The following EYS variants were observed in gnomAD, a reference collection of about 807,000 sequenced individuals.
The protein encoded by EYS is EGF-like photoreceptor maintenance factor.
Under a neutral mutation model 282.1 loss-of-function variants are expected in EYS, and 250 were observed. That is an observed-to-expected ratio of 0.89 (90% CI 0.80 to 0.98). EYS has a LOEUF of 0.98. EYS is among the 50% of genes least tolerant of loss of function. EYS has a pLI of 0.00. For missense variants in EYS, 4,016 were observed against 3,709.0 expected, an observed-to-expected ratio of 1.08 and a Z score of -2.15; for synonymous variants, 1,355 against 1,282.9, an observed-to-expected ratio of 1.06 and a Z score of -1.20.
At chr6:64,351,343 G>C (rs1561945914) in intron 29 of EYS, among the ~76,000 whole-genome samples, 1 of 151,394 alleles carries the variant, frequency 6.6e-6, no homozygotes, top group Non-Finnish European at 1.5e-5. Context: ...TCTGACAGAG[G>C]TCGGCTAAAC....
At chr6:63,947,891 C>T (rs558950164) in intron 35 of EYS, among the ~76,000 whole-genome samples, 10 of 152,210 alleles carry the variant, frequency 6.6e-5, no homozygotes, top group African/African-American at 1.7e-4. Context: ...CATGACATAA[C>T]GTTATTCATT....
intron 12 of EYS, among the ~76,000 whole-genome samples, chr6:65,061,772 C>G (rs186568941): frequency 6.6e-6 from 1 of 151,948 alleles, no homozygotes; most frequent in East Asian, 1.9e-4. Flanking sequence ...ACCATCTGGG[C>G]TAAATCACAC....
At chr6:64,383,115 C>T (rs796522229) in intron 29 of EYS, among the ~76,000 whole-genome samples, 13 of 151,996 alleles carry the variant, frequency 8.6e-5, no homozygotes, top group African/African-American at 3.1e-4. Context: ...TAGAGAAACC[C>T]CATATCTACA....
intron 18 of EYS, among the ~76,000 whole-genome samples, chr6:64,901,128 A>T (rs1263755401): frequency 6.6e-6 from 1 of 151,816 alleles, no homozygotes; most frequent in African/African-American, 2.4e-5. Context: ...TTCTTTGCAA[A>T]CTAACACAAG....
chr6:64,177,412 T>C (rs1764668847), intron 31 of EYS, among the ~76,000 whole-genome samples: 1 of 152,002 alleles, frequency 6.6e-6, no homozygotes, highest in African/African-American at 2.4e-5. Context: ...TCTTCCTCTG[T>C]AAACTATTGT....
intron 26 of EYS, among the ~76,000 whole-genome samples, chr6:64,493,465 T>C (rs1776794885): frequency 6.6e-6 from 1 of 151,570 alleles, no homozygotes; most frequent in South Asian, 2.1e-4. Context: ...TTTGGCTAAA[T>C]GGAACAATGA....
At chr6:65,382,925 C>G (rs1456629406) in intron 8 of EYS, among the ~76,000 whole-genome samples, 13 of 152,012 alleles carry the variant, frequency 8.6e-5, no homozygotes, top group Admixed American at 6.6e-4. Flanking sequence ...AGGGTCAATA[C>G]TTGACATCCT....
At chr6:64,337,466 A>G (rs1439733147) in intron 29 of EYS, among the ~76,000 whole-genome samples, 5 of 152,030 alleles carry the variant, frequency 3.3e-5, no homozygotes, top group Admixed American at 3.3e-4. Flanking sequence ...AATAAGAAAC[A>G]GTGAGATTGA....
chr6:64,966,332 G>C (rs556186716), intron 14 of EYS, among the ~76,000 whole-genome samples: 1 of 152,140 alleles, frequency 6.6e-6, no homozygotes, highest in Non-Finnish European at 1.5e-5. Context: ...TTGGTGTTGG[G>C]GGGGGTATTG....
chr6:65,651,381 G>A (rs1200808182), intron 1 of EYS, among the ~76,000 whole-genome samples: 1 of 151,974 alleles, frequency 6.6e-6, no homozygotes, highest in African/African-American at 2.4e-5. Flanking sequence ...ATTTTAGAAA[G>A]AAACTTCGGT....
intron 31 of EYS, among the ~76,000 whole-genome samples, chr6:64,098,473 T>A (rs1427705987): frequency 2.6e-5 from 4 of 152,174 alleles, no homozygotes; most frequent in Non-Finnish European, 2.9e-5. Flanking sequence ...CTATCTATTA[T>A]TTAGTGATAT....
chr6:64,503,833 A>T (rs1170040697), intron 26 of EYS, among the ~76,000 whole-genome samples: 1 of 152,120 alleles, frequency 6.6e-6, no homozygotes, highest in Non-Finnish European at 1.5e-5. Flanking sequence ...GTGGGAGGTA[A>T]TTGGACCCTG....
At chr6:63,839,537 C>G (rs1018132068) in intron 36 of EYS, among the ~76,000 whole-genome samples, 2 of 152,028 alleles carry the variant, frequency 1.3e-5, no homozygotes, top group African/African-American at 4.8e-5. Context: ...AGAATAGAAA[C>G]AGGGTCTCAC....
At position 63,745,082 on chromosome 6, in the gene EYS, T is replaced by C. The variant is rs140740499; in HGVS notation, c.8071+17379A>G. On this transcript the variant is annotated intron_variant, in intron 41 of 42. Coordinates refer to ENST00000503581, the MANE Select transcript of EYS (RefSeq NM_001142800.2). ...GTGAAAAAAGAAAATAGAAGCTAAA[T>C]AGATAAGTAGAATGATAAAGCCAGC... 703 of 383,764 alleles carry C rather than the reference T, an allele frequency of 1.8e-3. 4 individuals carry two copies. The highest frequency in any genetic ancestry group is 0.012 in the African/African-American group (569 of 45,744). 23.8% of individuals were successfully genotyped at this position (383,764 alleles called of 1,614,324 possible). A position where few individuals can be genotyped will look rare whatever the true frequency, so the allele number is the denominator to read the frequency against.
chr6:64,096,718 T>A (rs1772630709), intron 31 of EYS, among the ~76,000 whole-genome samples: 1 of 152,098 alleles, frequency 6.6e-6, no homozygotes. Flanking sequence ...TAGCTCGGTG[T>A]AGTTTGATCG....
At chr6:64,684,575 AT>A (rs1385090504) in intron 22 of EYS, among the ~76,000 whole-genome samples, 2 of 73,786 alleles carry the variant, frequency 2.7e-5, no homozygotes, top group Admixed American at 2.8e-4. Context: ...ATTATAACAC[AT>A]AATTATAGGA....
chr6:64,411,132 T>G (rs1773876171), intron 28 of EYS, among the ~76,000 whole-genome samples: 1 of 152,098 alleles, frequency 6.6e-6, no homozygotes, highest in African/African-American at 2.4e-5. Flanking sequence ...AAAGCCATAG[T>G]TCTATTTTTA....
chr6:64,579,685 T>G (rs908645646), intron 26 of EYS, among the ~76,000 whole-genome samples: 1 of 152,104 alleles, frequency 6.6e-6, no homozygotes. Flanking sequence ...GCTTAGAACA[T>G]GAAAATGCCC....
At chr6:64,571,313 C>A (rs573687087) in intron 26 of EYS, among the ~76,000 whole-genome samples, 1 of 152,144 alleles carries the variant, frequency 6.6e-6, no homozygotes, top group African/African-American at 2.4e-5. Flanking sequence ...TAAATGGCCA[C>A]AGGAGAAAGC....
Sources: gnomAD v4.1 joint callset for allele counts (sites outside exome capture counted in the v4.1 genomes callset) on GRCh38, gnomAD v4.1.1 for gene constraint, MANE v1.5 for transcripts, NCBI Gene and HGNC (gene_info 2026-07-23, HGNC 2026-07-21) for gene names.